Variants in ANKRA2 observed in about 807,000 individuals in gnomAD.
ANKRA2 encodes ankyrin repeat family A member 2.
Under a neutral mutation model 37.8 loss-of-function variants are expected in ANKRA2, and 33 were observed. That is an observed-to-expected ratio of 0.87 (90% CI 0.66 to 1.17). The LOEUF (loss-of-function observed/expected upper bound fraction) is 1.17. Ranked by LOEUF, ANKRA2 falls within the 50% of genes most tolerant of loss-of-function variation. The pLI is 0.00. For synonymous variants in ANKRA2, 126 were observed against 132.3 expected (o/e 0.95, Z 0.33); for missense variants, 326 against 373.7 (o/e 0.87, Z 1.05).
At chr5:73,563,076 G>A (rs2112024804) in intron 1 of ANKRA2, 91 bp from the exon 2 acceptor site, 1 of 511,954 alleles carries the variant, frequency 2.0e-6, no homozygotes, top group Non-Finnish European at 3.4e-6. Flanking sequence ...TTGTAACAAT[G>A]CTCTTGAAAG....
At chr5:73,557,007 T>C (rs542367229) in intron 4 of ANKRA2, among the ~76,000 whole-genome samples, 3 of 149,244 alleles carry the variant, frequency 2.0e-5, no homozygotes, top group South Asian at 2.1e-4. Context: ...TATATATATA[T>C]ACACCCTTTG....
rs1747699377 is a variant in ANKRA2 at position 73,565,263 on chromosome 5, T to G, written c.-236A>C. On this transcript the variant is annotated 5_prime_UTR_variant, in exon 1 of 9. Coordinates refer to ENST00000296785, the MANE Select transcript of ANKRA2 (RefSeq NM_023039.5). Reference sequence around the variant, plus strand: ...CCCGAAAAGTCCCAGGAAGAAACTCTCGCTCATCCGCGGCGAGCGGATCCC... The same window carrying G: ...CCCGAAAAGTCCCAGGAAGAAACTCGCGCTCATCCGCGGCGAGCGGATCCC... 6.6e-6 allele frequency: 1 copy of G among 152,576 alleles called. No homozygotes were observed. The highest frequency in any genetic ancestry group is 2.4e-5 in the African/African-American group (1 of 41,370). 9.5% of individuals were successfully genotyped at this position (152,576 alleles called of 1,614,324 possible).
At chr5:73,559,897 T>C (rs1486769460) in intron 3 of ANKRA2, among the ~76,000 whole-genome samples, 1 of 152,122 alleles carries the variant, frequency 6.6e-6, no homozygotes, top group Non-Finnish European at 1.5e-5. Flanking sequence ...TATGTGGGAC[T>C]ACAGGTGTTT....
intron 3 of ANKRA2, among the ~76,000 whole-genome samples, chr5:73,558,864 G>A (rs1747470537): frequency 6.6e-6 from 1 of 152,196 alleles, no homozygotes; most frequent in South Asian, 2.1e-4. Context: ...AGGCCTAGCT[G>A]TGGCTAATTA....
rs1348328805 is a variant in ANKRA2 at position 73,565,462 on chromosome 5, A to T, written c.-435T>A. The T allele has an allele frequency of 4.1e-6, 1 of 246,856 alleles. No individual in the cohort carries two copies. Among genetic ancestry groups the T allele is most frequent in the Non-Finnish European group, 8.1e-6 (1 of 122,930 alleles). The allele number at this position is 246,856 out of a possible 1,614,324, so 15.3% of individuals were successfully genotyped here. The stretch of plus-strand genomic sequence containing the variant: ...GATTTCTTCTTTCGCCTTCTGGCTA[A>T]AAAACGTTCCGCAGCAATGCAGCTG... On this transcript the variant is annotated 5_prime_UTR_variant, in exon 1 of 9. Coordinates refer to ENST00000296785, the MANE Select transcript of ANKRA2 (RefSeq NM_023039.5).
At chr5:73,559,154 A>G (rs703879) in intron 3 of ANKRA2, among the ~76,000 whole-genome samples, 102,987 of 152,022 alleles carry the variant, frequency 0.68, 35,128 homozygotes, top group East Asian at 0.83. Flanking sequence ...TACAGGTGGG[A>G]TGAGAGTCCT....
intron 1 of ANKRA2, among the ~76,000 whole-genome samples, chr5:73,564,119 A>C (rs1747640452): frequency 6.6e-6 from 1 of 152,214 alleles, no homozygotes. Context: ...AGGAAAAAAA[A>C]AAAAAGCAGG....
rs73765414 is a variant in ANKRA2 at position 73,554,185 on chromosome 5, G to A, written c.805+137C>T. The A allele has an allele frequency of 3.6e-3, 2,839 of 778,502 alleles. 53 individuals carry two copies. The African/African-American group carries it at 0.041, about 11-fold the overall frequency. 48.2% of individuals were successfully genotyped at this position (778,502 alleles called of 1,614,324 possible). On this transcript the variant is annotated intron_variant, in intron 7 of 8. Coordinates refer to ENST00000296785, the MANE Select transcript of ANKRA2 (RefSeq NM_023039.5). ...ACATGGGCAACTTTTGGTGGCAGGT[G>A]CTCTAAGGGTGAAGAGCAGCAAGAT...
intron 3 of ANKRA2, among the ~76,000 whole-genome samples, chr5:73,560,488 G>A (rs1747517523): frequency 1.3e-5 from 2 of 152,060 alleles, no homozygotes; most frequent in African/African-American, 4.8e-5. Context: ...AGCCTCCCAA[G>A]TAGTTGGGAA....
Position 73,553,398 on chromosome 5 carries a change from A to G in ANKRA2, c.886+8T>C, listed in dbSNP as rs1465924815. On this transcript the variant is annotated splice_region_variant and intron_variant, in intron 8 of 8. Coordinates refer to ENST00000296785, the MANE Select transcript of ANKRA2 (RefSeq NM_023039.5). ...TAAGATGAGACACAGGAGTTCTAAC[A>G]TACTTACCACTTCTATAGCCTAGGG... 11 of 1,603,792 alleles carry G rather than the reference A, an allele frequency of 6.9e-6. No homozygotes were observed. The highest frequency in any genetic ancestry group is 8.5e-6 in the Non-Finnish European group (10 of 1,172,050).
intron 3 of ANKRA2, among the ~76,000 whole-genome samples, chr5:73,560,273 C>A (rs1188917789): frequency 6.6e-6 from 1 of 152,148 alleles, no homozygotes; most frequent in African/African-American, 2.4e-5. Flanking sequence ...ATTCACAAAT[C>A]TATCACCTCA....
intron 7 of ANKRA2, among the ~76,000 whole-genome samples, 153 bp from the exon 8 acceptor site, chr5:73,553,639 ATTTAC>A (rs1220424488): frequency 3.3e-5 from 5 of 152,222 alleles, no homozygotes; most frequent in South Asian, 4.1e-4. Flanking sequence ...GGTACTTAGA[ATTTAC>A]TTTAGTGGAT....
chr5:73,560,855 T>A (rs1747533408), intron 3 of ANKRA2, among the ~76,000 whole-genome samples: 1 of 152,206 alleles, frequency 6.6e-6, no homozygotes, highest in African/African-American at 2.4e-5. Flanking sequence ...TTCCACTGAG[T>A]TCTACTTTTA....
At chr5:73,558,041 C>G (rs1325644579) in intron 3 of ANKRA2, among the ~76,000 whole-genome samples, 2 of 152,000 alleles carry the variant, frequency 1.3e-5, no homozygotes, top group Non-Finnish European at 2.9e-5. Flanking sequence ...TGTGCCACTG[C>G]ACTCCAGTCT....
chr5:73,556,832 T>C (rs1747407446), intron 4 of ANKRA2, among the ~76,000 whole-genome samples: 1 of 151,886 alleles, frequency 6.6e-6, no homozygotes, highest in Non-Finnish European at 1.5e-5. Context: ...TAAATGAAAC[T>C]ACTCTGAGAT....
rs760822578 is a variant in ANKRA2, at chr5:73,554,889, C to T, written c.710G>A (p.Cys237Tyr). The change falls in exon 6 of 9, where the codon TGT becomes TAT. Residue 237 changes from cysteine to tyrosine, a missense_variant. This residue lies in a region of ANKRA2 where 228 missense variants were observed against 260.2 expected (regional missense o/e 0.88). Coordinates refer to ENST00000296785, the MANE Select transcript of ANKRA2 (RefSeq NM_023039.5). ...ATCATATTCATTTACATCAACTCCA[C>T]AATCAAGCAGCATTTTGACAATATC... ...YTDIVKMLLD[C>Y]GVDVNEYDWN... The T allele has an allele frequency of 6.2e-7, 1 of 1,613,780 alleles. No homozygotes were observed. Among genetic ancestry groups the T allele is most frequent in the Non-Finnish European group, 8.5e-7 (1 of 1,179,868 alleles).
rs748401305 is a variant in ANKRA2, at chr5:73,561,270, G to A, written c.308C>T (p.Thr103Ile). ...VLFKAECNIH[T>I]SPSPGIQVRH... ...TACTTGAATTCCCGGAGAAGGAGAT[G>A]TATGGATATTGCATTCAGCTAAGTG... The change falls in exon 3 of 9, where the codon ACA (threonine) becomes ATA (isoleucine). Residue 103 changes from threonine (T) to isoleucine (I), a missense_variant. By Grantham distance (89) the Thr-to-Ile change is moderately conservative (BLOSUM62 -1). Coordinates refer to ENST00000296785, the MANE Select transcript of ANKRA2 (RefSeq NM_023039.5). The A allele has an allele frequency of 1.2e-6, 2 of 1,612,800 alleles. No homozygotes were observed. The highest frequency in any genetic ancestry group is 1.7e-6 in the Non-Finnish European group (2 of 1,179,186).
chr5:73,562,858 A>T lies in ANKRA2; in HGVS notation c.24T>A (p.Asp8Glu). MDTSTNL[D>E]IGAQLIVEEC... The stretch of plus-strand genomic sequence containing the variant: ...CTTCCACGATAAGCTGGGCTCCAAT[A>T]TCCAGATTTGTTGATGTATCCATGA... Residue 8 changes from aspartate (D) to glutamate (E), a missense_variant, in exon 2 of 9, where the codon GAT becomes GAA. Physicochemically the swap from Asp to Glu is conservative, Grantham distance 45. This residue lies in a region of ANKRA2 where 93 missense variants were observed against 91.1 expected (regional missense o/e 1.02). Coordinates refer to ENST00000296785, the MANE Select transcript of ANKRA2 (RefSeq NM_023039.5). The T allele has an allele frequency of 6.2e-7, 1 of 1,609,914 alleles. No homozygotes were observed. Among genetic ancestry groups the T allele is most frequent in the Non-Finnish European group, 8.5e-7 (1 of 1,177,340 alleles).
chr5:73,564,822 C>T (rs934500101), intron 1 of ANKRA2, among the ~76,000 whole-genome samples: 1 of 151,366 alleles, frequency 6.6e-6, no homozygotes, highest in Non-Finnish European at 1.5e-5. Flanking sequence ...AGCAGTTTAA[C>T]GAGAGGAGAA....
Sources: gnomAD v4.1 joint callset for allele counts (sites outside exome capture counted in the v4.1 genomes callset) on GRCh38, gnomAD v4.1.1 for gene constraint, gnomAD v4.1.1 regional missense constraint, MANE v1.5 for transcripts, NCBI Gene and HGNC (gene_info 2026-07-23, HGNC 2026-07-21) for gene names.